The following SPATA22 variants were observed in gnomAD, a reference collection of about 807,000 sequenced individuals.
SPATA22 encodes spermatogenesis-associated protein 22.
SPATA22 carries 29 observed loss-of-function variants against 47.8 expected under a neutral mutation model. The observed-to-expected ratio is 0.61, with a 90% CI of 0.45 to 0.83. The LOEUF (loss-of-function observed/expected upper bound fraction) is 0.83, where lower values mean the gene tolerates loss of function less well. Ranked by LOEUF, SPATA22 falls within the 40% of genes least tolerant of loss-of-function variation. The pLI is 0.00. For synonymous variants in SPATA22, 133 were observed against 140.9 expected, an observed-to-expected ratio of 0.94 and a Z score of 0.40; for missense variants, 410 against 421.7, an observed-to-expected ratio of 0.97 and a Z score of 0.24.
chr17:3,511,050 C>G (rs993558369), intron 1 of SPATA22: 1 of 152,248 alleles, frequency 6.6e-6, no homozygotes, highest in African/African-American at 2.4e-5. Flanking sequence ...ACTATCTGAA[C>G]CTGGGAGACC....
intron 1 of SPATA22, among the ~76,000 whole-genome samples, chr17:3,497,454 T>C (rs2073928689): frequency 6.6e-6 from 1 of 152,136 alleles, no homozygotes; most frequent in African/African-American, 2.4e-5. Flanking sequence ...GTTATATGAC[T>C]CCATGCTCTG....
rs1050400615 is a variant in SPATA22 at position 3,446,334 on chromosome 17, T to C, written c.802+138A>G. The C allele has an allele frequency of 1.7e-5, 12 of 698,040 alleles. 1 individual carries two copies. The highest frequency in any genetic ancestry group is 2.6e-5 in the Non-Finnish European group (12 of 461,886). 43.2% of individuals were successfully genotyped at this position (698,040 alleles called of 1,614,324 possible). A position where few individuals can be genotyped will look rare whatever the true frequency, so the allele number is the denominator to read the frequency against. Reference sequence around the variant, plus strand: ...ATTCTATCTACCACAGGGACTATTATTAAAACCAGTTCTTTGAATACACTT... The same window carrying C: ...ATTCTATCTACCACAGGGACTATTACTAAAACCAGTTCTTTGAATACACTT... On this transcript the variant is annotated intron_variant, in intron 7 of 8. Transcript: ENST00000572969.
At chr17:3,462,615 T>C (rs774208947) in intron 4 of SPATA22, 37 bp from the exon 5 acceptor site, 1 of 1,596,410 alleles carries the variant, frequency 6.3e-7, no homozygotes, top group South Asian at 1.1e-5. Context: ...TATTAATAGT[T>C]TGCTTTCAAA....
intron 1 of SPATA22, among the ~76,000 whole-genome samples, chr17:3,496,850 C>T (rs914365240): frequency 5.9e-5 from 9 of 151,978 alleles, no homozygotes; most frequent in African/African-American, 1.7e-4. Flanking sequence ...GCGGATCACG[C>T]GGTCAGGAGA....
rs778634350 is a variant in SPATA22 at position 3,490,475 on chromosome 17, A to G, written c.-73-21077T>C. ...AATTGTTGTTGAGGAATGGGCAATTATAATAACAGAGGGGGTGTGTACTTC... is the reference window on the plus strand; with the variant it reads ...AATTGTTGTTGAGGAATGGGCAATTGTAATAACAGAGGGGGTGTGTACTTC... On this transcript the variant is annotated intron_variant, in intron 1 of 8. Coordinates refer to the SPATA22 transcript ENST00000541913. The surrounding 1 kb of genome is among the most constrained non-coding windows in gnomAD (Gnocchi z 4.6). 5.9e-5 allele frequency among the ~76,000 whole-genome samples: 9 copies of G among 152,232 alleles called. No homozygotes were observed. Among genetic ancestry groups the G allele is most frequent in the Non-Finnish European group, 1.2e-4 (8 of 68,038 alleles).
At chr17:3,446,826 T>C (rs2072737115) in intron 6 of SPATA22, among the ~76,000 whole-genome samples, 1 of 152,142 alleles carries the variant, frequency 6.6e-6, no homozygotes, top group South Asian at 2.1e-4. Flanking sequence ...GAATTATTTA[T>C]ATAGGTATTC....
intron 3 of SPATA22, among the ~76,000 whole-genome samples, chr17:3,464,706 G>A (rs2073235764): frequency 6.7e-6 from 1 of 149,582 alleles, no homozygotes; most frequent in Non-Finnish European, 1.5e-5. Flanking sequence ...TCTCTGCCCA[G>A]CCGCCCCATC....
chr17:3,473,111 A>T (rs995609804), upstream of SPATA22, among the ~76,000 whole-genome samples: 58 of 62,590 alleles, frequency 9.3e-4, no homozygotes, highest in African/African-American at 1.7e-3. Context: ...TTTTTCATTA[A>T]AAAAAAAAAA....
chr17:3,450,700 G>C (rs1014148484), intron 5 of SPATA22, among the ~76,000 whole-genome samples: 1 of 152,224 alleles, frequency 6.6e-6, no homozygotes, highest in South Asian at 2.1e-4. Flanking sequence ...CATGGTTATA[G>C]AAATTACTTT....
rs779547000 is a variant in SPATA22, at chr17:3,446,597, G to T, written c.677C>A (p.Thr226Asn). 2 of 1,538,094 alleles carry T rather than the reference G, an allele frequency of 1.3e-6. No individual in the cohort carries two copies. The highest frequency in any genetic ancestry group is 4.3e-5 in the Admixed American group (2 of 46,796). The change falls in exon 7 of 9, where the codon ACC (threonine) becomes AAC (asparagine). Residue 226 changes from threonine (T) to asparagine (N), a missense_variant. Coordinates refer to ENST00000572969, the MANE Select transcript of SPATA22 (RefSeq NM_001170698.2). The part of the protein sequence containing the change: ...DIPEDNTLKE[T>N]SLYQLQFKEK... ...CTTAAACTGTAACTGATACAATGAG[G>T]TTTCCTTTTGAAAAAATAAGAAACA...
At chr17:3,486,224 G>A (rs978870950) in intron 1 of SPATA22, among the ~76,000 whole-genome samples, 41 of 152,118 alleles carry the variant, frequency 2.7e-4, no homozygotes, top group Admixed American at 1.6e-3. Context: ...GTGAGCCACC[G>A]CACCCGGCTG....
intron 1 of SPATA22, among the ~76,000 whole-genome samples, chr17:3,479,804 T>C (rs1306757000): frequency 6.6e-6 from 1 of 152,150 alleles, no homozygotes; most frequent in Non-Finnish European, 1.5e-5. Flanking sequence ...TTGAAGATAC[T>C]AGCAAAAATA....
intron 3 of SPATA22, among the ~76,000 whole-genome samples, chr17:3,463,840 T>C (rs2073190785): frequency 1.3e-5 from 2 of 152,150 alleles, no homozygotes; most frequent in South Asian, 4.1e-4. Flanking sequence ...CTTCTATTTC[T>C]TTTTTCAAAG....
rs141290334 is a variant in SPATA22 at position 3,452,677 on chromosome 17, G to C, written c.330-3528C>G. ...TTACATAGACTAAAAAAAGAAAAAA[G>C]AAGATTTAAATAAATGAAAGAGGAG... On this transcript the variant is annotated intron_variant, in intron 5 of 8. Transcript: ENST00000572969. 3.4e-3 allele frequency among the ~76,000 whole-genome samples: 513 copies of C among 152,030 alleles called. 3 individuals are homozygous for C. Among genetic ancestry groups the C allele is most frequent in the African/African-American group, 0.011 (464 of 41,514 alleles).
chr17:3,511,908 C>CT lies in SPATA22; in HGVS notation c.-74+1503dup, dbSNP rs550822015. 132 of 152,290 alleles carry CT rather than the reference C, an allele frequency of 8.7e-4. 1 individual carries two copies. The highest frequency in any genetic ancestry group is 3.1e-3 in the African/African-American group (129 of 41,562). 9.4% of individuals were successfully genotyped at this position (152,290 alleles called of 1,614,324 possible). A position where few individuals can be genotyped will look rare whatever the true frequency, so the allele number is the denominator to read the frequency against. On this transcript the variant is annotated intron_variant, in intron 1 of 8. Coordinates refer to the SPATA22 transcript ENST00000541913. ...GAATTCCCAGCTCCATAGTGTGGAG[C>CT]TTGGCATCATGAATCCAAACCACTT...
chr17:3,455,084 T>G (rs1267154484), intron 5 of SPATA22, among the ~76,000 whole-genome samples: 1 of 152,210 alleles, frequency 6.6e-6, no homozygotes, highest in Non-Finnish European at 1.5e-5. Flanking sequence ...GTCTTTTGGC[T>G]GCATAAATGT....
intron 1 of SPATA22, among the ~76,000 whole-genome samples, chr17:3,497,958 T>C (rs1163602154): frequency 1.3e-5 from 2 of 152,128 alleles, no homozygotes; most frequent in African/African-American, 2.4e-5. Context: ...GTGACAGCCA[T>C]GGTGCTTGAG....
intron 8 of SPATA22, 95 bp downstream of exon 8, chr17:3,443,079 A>T: frequency 1.1e-6 from 1 of 877,774 alleles, no homozygotes; most frequent in Non-Finnish European, 1.7e-6. Flanking sequence ...AAAGTACTAA[A>T]TTGTTAACAG....
intron 1 of SPATA22, among the ~76,000 whole-genome samples, chr17:3,507,489 C>T (rs1357512887): frequency 6.6e-6 from 1 of 152,198 alleles, no homozygotes; most frequent in African/African-American, 2.4e-5. Flanking sequence ...AAGTGAGATA[C>T]ATTTTTTGAG....
Sources: gnomAD v4.1 joint callset for allele counts (sites outside exome capture counted in the v4.1 genomes callset) on GRCh38, gnomAD v4.1.1 for gene constraint, Gnocchi (gnomAD v3.1) non-coding constraint, MANE v1.5 for transcripts, NCBI Gene and HGNC (gene_info 2026-07-23, HGNC 2026-07-21) for gene names.